Variants in CLVS1 observed in about 807,000 individuals in gnomAD.
CLVS1 encodes clavesin 1.
A neutral mutation model predicts 33.1 loss-of-function variants in CLVS1; 10 were observed. The ratio of observed to expected loss-of-function variants is 0.30; its 90% CI spans 0.19 to 0.51. The LOEUF is 0.51. Among genes scored for constraint, CLVS1 ranks in the 20% least tolerant of loss-of-function variants. The pLI is 0.97. For missense variants in CLVS1, 343 were observed against 433.4 expected (o/e 0.79, Z 1.85); for synonymous variants, 163 against 166.1 (o/e 0.98, Z 0.14).
At chr8:61,232,629 G>T (rs1808471318) in intron 2 of CLVS1, among the ~76,000 whole-genome samples, 1 of 152,146 alleles carries the variant, frequency 6.6e-6, no homozygotes, top group Non-Finnish European at 1.5e-5. Flanking sequence ...GCCATAAAAT[G>T]CTCCATAGTC....
intron 3 of CLVS1, among the ~76,000 whole-genome samples, chr8:61,380,813 A>C (rs1813845400): frequency 1.3e-5 from 2 of 152,084 alleles, no homozygotes; most frequent in African/African-American, 4.8e-5. Flanking sequence ...CAATTTTTGG[A>C]ATTATTTTTT....
intron 3 of CLVS1, among the ~76,000 whole-genome samples, chr8:61,406,882 T>A (rs963820926): frequency 1.3e-5 from 2 of 152,196 alleles, no homozygotes; most frequent in African/African-American, 4.8e-5. Context: ...GTGCTGGGAT[T>A]ACAGGTGCGA....
At chr8:61,289,860 T>C (rs1270158795) in intron 1 of CLVS1, among the ~76,000 whole-genome samples, 1 of 152,218 alleles carries the variant, frequency 6.6e-6, no homozygotes, top group Non-Finnish European at 1.5e-5. Flanking sequence ...CTGCCACTAA[T>C]TATATAGACA....
chr8:61,374,997 C>T (rs1249376036), intron 2 of CLVS1, among the ~76,000 whole-genome samples: 2 of 152,022 alleles, frequency 1.3e-5, no homozygotes, highest in African/African-American at 4.8e-5. Context: ...AAGTCTTGCT[C>T]CCCCTTTTCC....
At chr8:61,382,954 C>G (rs538273271) in intron 3 of CLVS1, among the ~76,000 whole-genome samples, 4 of 152,296 alleles carry the variant, frequency 2.6e-5, no homozygotes, top group African/African-American at 9.6e-5. Context: ...ATAGTACATG[C>G]AACATGCCTG....
At chr8:61,320,027 T>A (rs1204390589) in intron 2 of CLVS1, among the ~76,000 whole-genome samples, 1 of 152,178 alleles carries the variant, frequency 6.6e-6, no homozygotes, top group Non-Finnish European at 1.5e-5. Flanking sequence ...GTAGGTTTGC[T>A]TCCTTAAGTA....
chr8:60,966,049 T>C, the CLVS1 span: 1 of 187,542 alleles, frequency 5.3e-6, no homozygotes, highest in East Asian at 1.4e-4. Flanking sequence ...TGACCTCAGG[T>C]GATCCGCCTG....
chr8:61,456,597 T>C (rs897325321), intron 4 of CLVS1, among the ~76,000 whole-genome samples: 1 of 152,148 alleles, frequency 6.6e-6, no homozygotes, highest in Non-Finnish European at 1.5e-5. Flanking sequence ...TGTTTATTAT[T>C]GAGGTCCTCT....
chr8:61,337,087 A>G (rs17775185), intron 2 of CLVS1, among the ~76,000 whole-genome samples: 64,585 of 151,954 alleles, frequency 0.43, 14,905 homozygotes, highest in East Asian at 0.64. Flanking sequence ...AAAGATGATC[A>G]ATTGCATCAC....
Position 61,356,886 on chromosome 8 carries a change from T to A in CLVS1, c.456-19719T>A, listed in dbSNP as rs549415591. 5.7e-3 allele frequency among the ~76,000 whole-genome samples: 874 copies of A among 152,338 alleles called. 10 individuals carry two copies. Among genetic ancestry groups the A allele is most frequent in the African/African-American group, 0.02 (827 of 41,558 alleles). On this transcript the variant is annotated intron_variant, in intron 2 of 5. Coordinates refer to ENST00000325897, the MANE Select transcript of CLVS1 (RefSeq NM_173519.3). ...TTGTTCTTTTGGCTTGGGATTGACT[T>A]GGCAATGCGGGCTCTTTTTTGGTTC...
At chr8:61,182,300 G>A (rs982522383) in intron 2 of CLVS1, among the ~76,000 whole-genome samples, 4 of 152,128 alleles carry the variant, frequency 2.6e-5, no homozygotes, top group East Asian at 3.9e-4. Context: ...AACGCCAAAA[G>A]CAACTGCAAC....
At chr8:60,974,155 C>A in the CLVS1 span, among the ~76,000 whole-genome samples, 2 of 152,136 alleles carry the variant, frequency 1.3e-5, no homozygotes, top group Non-Finnish European at 2.9e-5. Context: ...TGTTGGAAGG[C>A]AGTTTTCCCT....
chr8:61,310,105 C>A (rs949055583), intron 2 of CLVS1, among the ~76,000 whole-genome samples: 4 of 152,132 alleles, frequency 2.6e-5, no homozygotes, highest in Non-Finnish European at 5.9e-5. Context: ...AACCCTGCCC[C>A]CAAAGCCTAT....
intron 3 of CLVS1, among the ~76,000 whole-genome samples, chr8:61,435,674 C>A (rs1816305126): frequency 6.6e-6 from 1 of 151,044 alleles, no homozygotes; most frequent in South Asian, 2.1e-4. Context: ...TTCTGATGCA[C>A]CACCACAAAG....
In CLVS1 at chr8:61,232,023, G is replaced by GTTTGTTTGTTTGTTTGTTTTTTTTT; in HGVS notation, c.-151-67651_-151-67650insGTTTGTTTGTTTGTTTTTTTTTTTT. On this transcript the variant is annotated intron_variant, in intron 2 of 2. Transcript: ENST00000522621. ...AGAAGGAGCCCTGAGGAAAGTTGTG[G>GTTTGTTTGTTTGTTTGTTTTTTTTT]TTTTTTTTTTTTTTTTTTTTTTTTT... Among the ~76,000 whole-genome samples the GTTTGTTTGTTTGTTTGTTTTTTTTT allele has an allele frequency of 1.4e-3, 86 of 62,650 alleles. 12 individuals carry two copies. The highest frequency in any genetic ancestry group is 3.3e-3 in the African/African-American group (69 of 21,116). 41.1% of individuals were successfully genotyped at this position (62,650 alleles called of 152,430 possible).
chr8:61,187,180 G>A (rs1412690744), intron 2 of CLVS1, among the ~76,000 whole-genome samples: 6 of 151,820 alleles, frequency 4.0e-5, no homozygotes, highest in Non-Finnish European at 7.4e-5. Flanking sequence ...GAGCATTTTG[G>A]GTTTGAGGTG....
rs113741865 is a variant in CLVS1, at chr8:61,307,687, A to AT, written c.455+7413dup. ...GCTTACATTTGCCTTTTATTGCTAGATTTTTTTTATTTTGATAGATTTAGG... is the reference window on the plus strand; with the variant it reads ...GCTTACATTTGCCTTTTATTGCTAGATTTTTTTTTATTTTGATAGATTTAGG... On this transcript the variant is annotated intron_variant, in intron 2 of 5. Transcript: ENST00000325897. 6.4e-3 allele frequency among the ~76,000 whole-genome samples: 980 copies of AT among 152,140 alleles called. 15 individuals are homozygous for AT. The highest frequency in any genetic ancestry group is 0.021 in the African/African-American group (856 of 41,492).
At chr8:61,467,857 T>C (rs1817604986) in intron 5 of CLVS1, among the ~76,000 whole-genome samples, 3 of 152,212 alleles carry the variant, frequency 2.0e-5, no homozygotes, top group African/African-American at 7.2e-5. Context: ...AGTTTAGATC[T>C]GGAGGAAGTC....
intron 2 of CLVS1, among the ~76,000 whole-genome samples, chr8:61,177,351 G>T (rs1448527904): frequency 1.3e-5 from 2 of 152,230 alleles, no homozygotes; most frequent in Non-Finnish European, 2.9e-5. Context: ...TGAGCCACTA[G>T]CAGGAGGGGT....
Sources: allele counts gnomAD v4.1 joint callset (sites outside exome capture counted in the v4.1 genomes callset), GRCh38; gene constraint gnomAD v4.1.1; transcripts MANE v1.5; gene names NCBI Gene and HGNC (gene_info 2026-07-23, HGNC 2026-07-21).